The following ARHGEF7 variants were observed in gnomAD, a reference collection of about 807,000 sequenced individuals.
ARHGEF7 encodes Rho guanine nucleotide exchange factor 7.
A neutral mutation model predicts 109.8 loss-of-function variants in ARHGEF7; 33 were observed. The ratio of observed to expected loss-of-function variants is 0.30; its 90% CI spans 0.23 to 0.40. The LOEUF (loss-of-function observed/expected upper bound fraction) is 0.40. Ranked by LOEUF, ARHGEF7 falls within the 10% of genes least tolerant of loss-of-function variation. The pLI is 1.00. For synonymous variants in ARHGEF7, 458 were observed against 424.6 expected, an observed-to-expected ratio of 1.08 and a Z score of -0.97; for missense variants, 938 against 1,098.5, an observed-to-expected ratio of 0.85 and a Z score of 2.07.
At chr13:111,142,961 C>T (rs1295539017) in intron 1 of ARHGEF7, among the ~76,000 whole-genome samples, 2 of 152,236 alleles carry the variant, frequency 1.3e-5, no homozygotes, top group Admixed American at 6.5e-5. Flanking sequence ...AGGCCAGGAA[C>T]AAAACACTGC....
intron 5 of ARHGEF7, among the ~76,000 whole-genome samples, chr13:111,223,499 A>G (rs2084755180): frequency 6.6e-6 from 1 of 152,252 alleles, no homozygotes; most frequent in Non-Finnish European, 1.5e-5. Flanking sequence ...TAGGCTGTTT[A>G]TCTCCAGATA....
At chr13:111,209,190 ATTC>A (rs1281583891) in intron 3 of ARHGEF7, 1 of 150,556 alleles carries the variant, frequency 6.6e-6, no homozygotes, top group Non-Finnish European at 1.5e-5. Flanking sequence ...TCACAGCCTC[ATTC>A]TCTCTTTTTT....
chr13:111,181,943 C>T (rs1162938380), intron 2 of ARHGEF7, among the ~76,000 whole-genome samples: 1 of 152,098 alleles, frequency 6.6e-6, no homozygotes, highest in African/African-American at 2.4e-5. Flanking sequence ...ACCAACAAAG[C>T]GTTGTGGATT....
At chr13:111,128,020 G>A (rs929511494) in intron 1 of ARHGEF7, among the ~76,000 whole-genome samples, 4 of 152,120 alleles carry the variant, frequency 2.6e-5, no homozygotes, top group Non-Finnish European at 4.4e-5. Context: ...TAAACTCTTG[G>A]TAAACACTCC....
At chr13:111,183,946 T>G (rs1594413473) in intron 2 of ARHGEF7, among the ~76,000 whole-genome samples, 1 of 152,054 alleles carries the variant, frequency 6.6e-6, no homozygotes, top group Non-Finnish European at 1.5e-5. Flanking sequence ...CGGGTGCGGG[T>G]GGGACTGCAT....
chr13:111,197,442 G>A (rs565269209), intron 2 of ARHGEF7, among the ~76,000 whole-genome samples: 1 of 152,298 alleles, frequency 6.6e-6, no homozygotes, highest in East Asian at 1.9e-4. Context: ...AGAAAAATCA[G>A]ATTTAATGAC....
At chr13:111,209,765 T>C in intron 3 of ARHGEF7, 107 bp from the exon 4 acceptor site, 3 of 1,314,700 alleles carry the variant, frequency 2.3e-6, no homozygotes, top group South Asian at 3.5e-5. Flanking sequence ...TTGTGGTCTT[T>C]TGGTGTGTCC....
In ARHGEF7 at chr13:111,292,491, A is replaced by G. The variant is rs2093320016; in HGVS notation, c.2311+197A>G. The G allele has an allele frequency of 6.3e-6, 9 of 1,433,824 alleles. No homozygotes were observed. In the South Asian group the frequency reaches 1.4e-4, roughly 22 times the overall value. The allele number at this position is 1,433,824 out of a possible 1,614,324, so 88.8% of individuals were successfully genotyped here. A position where few individuals can be genotyped will look rare whatever the true frequency, so the allele number is the denominator to read the frequency against. On this transcript the variant is annotated intron_variant, in intron 19 of 21. Transcript: ENST00000646102. The stretch of plus-strand genomic sequence containing the variant: ...GTACTTTGTGGAGGCTTAACTGCCG[A>G]TGCGAGTATACATTCGAATGACTGA...
At chr13:111,187,304 C>T (rs960347553) in intron 2 of ARHGEF7, among the ~76,000 whole-genome samples, 4 of 152,130 alleles carry the variant, frequency 2.6e-5, no homozygotes, top group Non-Finnish European at 5.9e-5. Flanking sequence ...CTGGGTCCAG[C>T]GAGATGCATC....
At chr13:111,286,415 A>C (rs2093021371) in intron 17 of ARHGEF7, among the ~76,000 whole-genome samples, 175 bp downstream of exon 17, 1 of 152,128 alleles carries the variant, frequency 6.6e-6, no homozygotes, top group Non-Finnish European at 1.5e-5. Flanking sequence ...AGCAAGCAGG[A>C]GAAGCGCCTT....
chr13:111,210,029 AATATGTT>A (rs2082306173), intron 4 of ARHGEF7, 27 bp downstream of exon 4: 1 of 1,613,866 alleles, frequency 6.2e-7, no homozygotes, highest in South Asian at 1.1e-5. Flanking sequence ...TTGTTACTTA[AATATGTT>A]TGGGAAGGAT....
intron 2 of ARHGEF7, among the ~76,000 whole-genome samples, chr13:111,180,884 A>T (rs2078670209): frequency 6.6e-6 from 1 of 152,246 alleles, no homozygotes; most frequent in Non-Finnish European, 1.5e-5. Flanking sequence ...AATCTGCATC[A>T]TGCAACTGGA....
chr13:111,160,889 T>A (rs1216208278), intron 2 of ARHGEF7, among the ~76,000 whole-genome samples: 1 of 152,228 alleles, frequency 6.6e-6, no homozygotes. Flanking sequence ...CATGTGGAAC[T>A]GTGAGTCATT....
chr13:111,177,432 T>A (rs2078278041), intron 2 of ARHGEF7, among the ~76,000 whole-genome samples: 1 of 152,322 alleles, frequency 6.6e-6, no homozygotes, highest in African/African-American at 2.4e-5. Context: ...GGGTGTGAGA[T>A]GTGCTATCAG....
At chr13:111,224,054 A>G (rs922074819) in intron 5 of ARHGEF7, among the ~76,000 whole-genome samples, 46 of 152,216 alleles carry the variant, frequency 3.0e-4, no homozygotes, top group African/African-American at 8.4e-4. Context: ...ACAGGGTTTC[A>G]CCATGTCAGC....
chr13:111,148,063 C>T (rs2075702296), intron 1 of ARHGEF7, among the ~76,000 whole-genome samples: 1 of 152,244 alleles, frequency 6.6e-6, no homozygotes, highest in Non-Finnish European at 1.5e-5. Context: ...AGGTTTCCCT[C>T]TGCCATGCTT....
At chr13:111,128,183 C>T (rs1315376950) in intron 1 of ARHGEF7, among the ~76,000 whole-genome samples, 2 of 152,200 alleles carry the variant, frequency 1.3e-5, no homozygotes, top group Non-Finnish European at 2.9e-5. Flanking sequence ...CACTTCTGTT[C>T]AACCTTACAC....
chr13:111,221,581 ATATATATC>A (rs2084376032), intron 5 of ARHGEF7, among the ~76,000 whole-genome samples: 2 of 70,040 alleles, frequency 2.9e-5, no homozygotes, highest in African/African-American at 4.6e-5. Flanking sequence ...ATACATATCT[ATATATATC>A]TATATATAGA....
Position 111,139,638 on chromosome 13 carries a change from C to T in ARHGEF7, c.166-14267C>T, listed in dbSNP as rs537001001. ...GCCTGCGTGGAGCACTGGCGGCAGA[C>T]AGGGGCCTGATGTGGGCTGCAGGAG... On this transcript the variant is annotated intron_variant, in intron 1 of 21. Coordinates refer to ENST00000646102, the MANE Select transcript of ARHGEF7 (RefSeq NM_001354046.2). Among the ~76,000 whole-genome samples, 10 of 152,292 alleles carry T rather than the reference C, an allele frequency of 6.6e-5. No individual in the cohort carries two copies. The South Asian group carries it at 2.1e-3, about 32-fold the overall frequency.
Sources: allele counts gnomAD v4.1 joint callset (sites outside exome capture counted in the v4.1 genomes callset), GRCh38; gene constraint gnomAD v4.1.1; transcripts MANE v1.5; gene names NCBI Gene and HGNC (gene_info 2026-07-23, HGNC 2026-07-21).